The following SIAH3 variants were observed in gnomAD, a reference collection of about 807,000 sequenced individuals.
SIAH3 encodes seven in absentia homolog 3.
In SIAH3, 9 loss-of-function variants were observed where a neutral mutation model predicts 12.6. The observed-to-expected ratio is 0.72, with a 90% confidence interval of 0.43 to 1.25. The LOEUF is 1.25. SIAH3 is among the 50% of genes most tolerant of loss of function. The pLI, the probability that SIAH3 is intolerant of heterozygous loss-of-function variation, is 0.00. For synonymous variants in SIAH3, 154 were observed against 151.1 expected, an observed-to-expected ratio of 1.02 and a Z score of -0.14; for missense variants, 390 against 365.4, an observed-to-expected ratio of 1.07 and a Z score of -0.55.
rs966179060 is a variant in SIAH3 at position 45,796,489 on chromosome 13, G to C, written c.136-12432C>G. Among the ~76,000 whole-genome samples, 19 of 152,284 alleles carry C rather than the reference G, an allele frequency of 1.2e-4. No homozygotes were observed. In the East Asian group the frequency reaches 3.5e-3, roughly 28 times the overall value. On this transcript the variant is annotated intron_variant, in intron 1 of 1. Coordinates refer to ENST00000400405, the MANE Select transcript of SIAH3 (RefSeq NM_198849.3). ...TGGGGATGAGAGTCAGATCAGGGAC[G>C]GGCTCAGGGAGCATGAGCTCCCTGG...
chr13:45,823,912 T>C (rs1041228177), intron 1 of SIAH3, among the ~76,000 whole-genome samples: 1 of 152,212 alleles, frequency 6.6e-6, no homozygotes, highest in African/African-American at 2.4e-5. Flanking sequence ...TGTAGTAACA[T>C]TGGGACTGTA....
intron 1 of SIAH3, among the ~76,000 whole-genome samples, chr13:45,814,054 C>T (rs9595392): frequency 0.025 from 3,830 of 151,928 alleles, 159 homozygotes; most frequent in African/African-American, 0.088. Flanking sequence ...CTGGCTAACA[C>T]GGTGAAACCC....
At chr13:45,827,609 C>A (rs552870265) in intron 1 of SIAH3, among the ~76,000 whole-genome samples, 1 of 152,176 alleles carries the variant, frequency 6.6e-6, no homozygotes. Flanking sequence ...GAGCTGGATT[C>A]CTTTCCTCCC....
chr13:45,823,535 T>C (rs1455266738), intron 1 of SIAH3, among the ~76,000 whole-genome samples: 1 of 152,208 alleles, frequency 6.6e-6, no homozygotes, highest in African/African-American at 2.4e-5. Flanking sequence ...ACCGTTGATA[T>C]GCCTTTCAGC....
chr13:45,827,529 A>G (rs1026544234), intron 1 of SIAH3, among the ~76,000 whole-genome samples: 6 of 152,174 alleles, frequency 3.9e-5, no homozygotes, highest in Non-Finnish European at 1.5e-5. Flanking sequence ...CCAGGCCTGG[A>G]GCCAGTCCAG....
At chr13:45,835,118 A>C (rs563157310) in intron 1 of SIAH3, among the ~76,000 whole-genome samples, 1 of 152,274 alleles carries the variant, frequency 6.6e-6, no homozygotes, top group African/African-American at 2.4e-5. Flanking sequence ...CACCTCCCAA[A>C]CCACAAAGCT....
At position 45,830,903 on chromosome 13, in the gene SIAH3, G is replaced by A. The variant is rs949266528; in HGVS notation, c.135+20592C>T. ...GTTAAGAATGGTCTATGTTGGCAGGGCCTGGTAGCTCACACCTGTAATCCC... is the reference window on the plus strand; with the variant it reads ...GTTAAGAATGGTCTATGTTGGCAGGACCTGGTAGCTCACACCTGTAATCCC... On this transcript the variant is annotated intron_variant, in intron 1 of 1. Coordinates refer to ENST00000400405, the MANE Select transcript of SIAH3 (RefSeq NM_198849.3). Among the ~76,000 whole-genome samples, 7 of 152,274 alleles carry A rather than the reference G, an allele frequency of 4.6e-5. No homozygotes were observed. The East Asian group carries it at 1.2e-3, about 25-fold the overall frequency.
chr13:45,817,434 T>C (rs1368923983), intron 1 of SIAH3, among the ~76,000 whole-genome samples: 1 of 152,242 alleles, frequency 6.6e-6, no homozygotes, highest in Non-Finnish European at 1.5e-5. Flanking sequence ...TCTCAGAATG[T>C]ATTTCTGTAA....
At chr13:45,801,395 G>C (rs1278606858) in intron 1 of SIAH3, among the ~76,000 whole-genome samples, 1 of 152,136 alleles carries the variant, frequency 6.6e-6, no homozygotes, top group Non-Finnish European at 1.5e-5. Flanking sequence ...CGACTGATGA[G>C]GCCTTGAGAG....
chr13:45,801,663 C>A (rs771797132), intron 1 of SIAH3, among the ~76,000 whole-genome samples: 8 of 152,170 alleles, frequency 5.3e-5, no homozygotes, highest in Non-Finnish European at 2.9e-5. Flanking sequence ...TAACGTGTTA[C>A]ATTATTCCTA....
chr13:45,826,697 T>G (rs1950678948), intron 1 of SIAH3, among the ~76,000 whole-genome samples: 1 of 152,096 alleles, frequency 6.6e-6, no homozygotes, highest in Admixed American at 6.6e-5. Flanking sequence ...AACATGAAAA[T>G]CTGCTCTCTA....
chr13:45,848,148 G>C (rs1448728285), intron 1 of SIAH3, among the ~76,000 whole-genome samples: 1 of 152,166 alleles, frequency 6.6e-6, no homozygotes, highest in Non-Finnish European at 1.5e-5. Context: ...AAGTCTGCTC[G>C]TCACATTTCA....
intron 1 of SIAH3, among the ~76,000 whole-genome samples, chr13:45,817,608 G>A (rs1950639159): frequency 6.7e-6 from 1 of 149,330 alleles, no homozygotes; most frequent in Non-Finnish European, 1.5e-5. Context: ...ACCTACAGAA[G>A]AGAAAGCAAT....
intron 1 of SIAH3, among the ~76,000 whole-genome samples, chr13:45,794,209 C>T (rs1366934479): frequency 5.3e-5 from 8 of 152,054 alleles, no homozygotes; most frequent in Admixed American, 3.3e-4. Flanking sequence ...TCTCCTGCCT[C>T]AGCCTCCTGA....
In SIAH3 at chr13:45,783,908, C is replaced by T. The variant is rs1019596551; in HGVS notation, c.285G>A (p.Ala95=). ...AHPHHLHHQE[A]GLHANPVTPC... ...GCGTCACCGGGTTGGCGTGCAGCCCCGCCTCCTGGTGGTGAAGGTGGTGGG... is the reference window on the plus strand; with the variant it reads ...GCGTCACCGGGTTGGCGTGCAGCCCTGCCTCCTGGTGGTGAAGGTGGTGGG... Residue 95 remains alanine (A), a synonymous_variant, in exon 2 of 2, where the codon GCG becomes GCA. Coordinates refer to ENST00000400405, the MANE Select transcript of SIAH3 (RefSeq NM_198849.3). The T allele has an allele frequency of 2.5e-6, 4 of 1,611,212 alleles. No individual in the cohort carries two copies. The highest frequency in any genetic ancestry group is 1.3e-5 in the African/African-American group (1 of 74,884).
intron 1 of SIAH3, among the ~76,000 whole-genome samples, chr13:45,814,929 A>T (rs1029746775): frequency 1.3e-5 from 2 of 151,734 alleles, no homozygotes; most frequent in South Asian, 2.1e-4. Context: ...CACCACATTG[A>T]CCAGGCTGGT....
intron 1 of SIAH3, among the ~76,000 whole-genome samples, chr13:45,846,988 A>G (rs1407159535): frequency 6.6e-6 from 1 of 152,234 alleles, no homozygotes; most frequent in Non-Finnish European, 1.5e-5. Flanking sequence ...ATGGGCTGGA[A>G]GAGGCTGCAA....
chr13:45,813,625 A>C (rs577036395), intron 1 of SIAH3, among the ~76,000 whole-genome samples: 1 of 152,300 alleles, frequency 6.6e-6, no homozygotes, highest in East Asian at 1.9e-4. Context: ...TAAAATACTC[A>C]ATTACTTTTG....
intron 1 of SIAH3, among the ~76,000 whole-genome samples, chr13:45,826,445 A>ATGAGTGCGTGGG (rs750477752): frequency 1.1e-4 from 5 of 46,538 alleles, no homozygotes; most frequent in African/African-American, 1.1e-4. Flanking sequence ...GGATGCATGG[A>ATGAGTGCGTGGG]TGGATGGATG....
Sources: gnomAD v4.1 joint callset for allele counts (sites outside exome capture counted in the v4.1 genomes callset) on GRCh38, gnomAD v4.1.1 for gene constraint, MANE v1.5 for transcripts, NCBI Gene and HGNC (gene_info 2026-07-23, HGNC 2026-07-21) for gene names.